Variants in VAMP7 observed in about 807,000 individuals in gnomAD.
VAMP7 encodes the protein vesicle associated membrane protein 7.
Under a neutral mutation model 29.6 loss-of-function variants are expected in VAMP7, and 14 were observed. The ratio of observed to expected loss-of-function variants is 0.47; its 90% CI spans 0.31 to 0.74. The LOEUF (loss-of-function observed/expected upper bound fraction) is 0.74. Ranked by LOEUF, VAMP7 falls within the 30% of genes least tolerant of loss-of-function variation. The pLI is 0.05. For missense variants in VAMP7, 223 were observed against 262.4 expected, an observed-to-expected ratio of 0.85 and a Z score of 1.04; for synonymous variants, 95 against 88.1, an observed-to-expected ratio of 1.08 and a Z score of -0.44.
At chrX:155,898,390 T>A in intron 4 of VAMP7, 141 bp downstream of exon 4, 6 of 1,050,356 alleles carry the variant, frequency 5.7e-6, no homozygotes, top group East Asian at 2.9e-5. Flanking sequence ...CTTCCCTGAT[T>A]AAAAAAAAAA....
At chrX:155,931,991 C>T (rs1186037272) in intron 6 of VAMP7, among the ~76,000 whole-genome samples, 4 of 152,096 alleles carry the variant, frequency 2.6e-5, no homozygotes, top group Non-Finnish European at 5.9e-5. Context: ...TTCTTTTTGT[C>T]AGGTTTGTCA....
intron 5 of VAMP7, among the ~76,000 whole-genome samples, chrX:155,914,111 C>T (rs1227358000): frequency 6.6e-6 from 1 of 151,226 alleles, no homozygotes; most frequent in Non-Finnish European, 1.5e-5. Flanking sequence ...GTATTTTATT[C>T]TCTTTGTAGC....
intron 6 of VAMP7, among the ~76,000 whole-genome samples, chrX:155,938,252 C>T (rs774200511): frequency 1.3e-5 from 2 of 152,242 alleles, no homozygotes; most frequent in South Asian, 2.1e-4. Flanking sequence ...CTAGTCAATG[C>T]ATATATTCTA....
chrX:155,917,290 A>T (rs2066327619), intron 5 of VAMP7, among the ~76,000 whole-genome samples: 1 of 152,120 alleles, frequency 6.6e-6, no homozygotes, highest in African/African-American at 2.4e-5. Flanking sequence ...GTTTCCTTGC[A>T]TGGGGTTAGA....
At chrX:155,928,659 T>A (rs1426467478) in intron 6 of VAMP7, among the ~76,000 whole-genome samples, 1 of 152,210 alleles carries the variant, frequency 6.6e-6, no homozygotes, top group East Asian at 1.9e-4. Context: ...CTCAAGATTC[T>A]TGACATAATC....
At chrX:155,940,538 A>C (rs772409253) in intron 7 of VAMP7, among the ~76,000 whole-genome samples, 1 of 152,278 alleles carries the variant, frequency 6.6e-6, no homozygotes, top group East Asian at 1.9e-4. Flanking sequence ...TCCTGAGCTT[A>C]GCTTCTTACT....
chrX:155,903,092 T>C (rs2066091596), intron 5 of VAMP7, among the ~76,000 whole-genome samples: 1 of 152,090 alleles, frequency 6.6e-6, no homozygotes, highest in Non-Finnish European at 1.5e-5. Context: ...CCTGGTTTAG[T>C]CTTGGGAGGG....
chrX:155,893,504 G>A (rs2065949705), intron 2 of VAMP7, among the ~76,000 whole-genome samples: 1 of 152,190 alleles, frequency 6.6e-6, no homozygotes, highest in South Asian at 2.1e-4. Context: ...TGCTTGGGCT[G>A]CTATAACAAA....
intron 6 of VAMP7, among the ~76,000 whole-genome samples, chrX:155,920,453 T>C (rs1455211698): frequency 6.6e-6 from 1 of 152,116 alleles, no homozygotes; most frequent in East Asian, 1.9e-4. Flanking sequence ...ATGACAGATA[T>C]ATGGTGAACA....
intron 5 of VAMP7, among the ~76,000 whole-genome samples, chrX:155,900,907 C>G (rs2066052277): frequency 1.3e-5 from 2 of 152,052 alleles, no homozygotes; most frequent in African/African-American, 2.4e-5. Flanking sequence ...CACGGGTTAC[C>G]TAACCTTGCC....
intron 5 of VAMP7, among the ~76,000 whole-genome samples, chrX:155,910,263 A>G (rs1441085378): frequency 6.6e-6 from 1 of 152,160 alleles, no homozygotes; most frequent in Non-Finnish European, 1.5e-5. Context: ...AGTTACATCC[A>G]TGTTGCTGTA....
At chrX:155,906,302 C>T (rs1166653156) in intron 5 of VAMP7, among the ~76,000 whole-genome samples, 1 of 152,040 alleles carries the variant, frequency 6.6e-6, no homozygotes, top group African/African-American at 2.4e-5. Context: ...TCCTGTTAGG[C>T]CAGTTTAGAG....
chrX:155,922,240 G>C (rs1180823812), intron 6 of VAMP7, among the ~76,000 whole-genome samples: 1 of 151,572 alleles, frequency 6.6e-6, no homozygotes, highest in Admixed American at 6.6e-5. Flanking sequence ...CCTTATTCTG[G>C]CTAGAACCTT....
intron 5 of VAMP7, among the ~76,000 whole-genome samples, chrX:155,903,670 C>A (rs936843279): frequency 3.9e-5 from 6 of 152,112 alleles, no homozygotes; most frequent in Non-Finnish European, 7.4e-5. Flanking sequence ...CATCTCACAC[C>A]AGTTAGAATG....
At chrX:155,900,699 G>A (rs1442283745) in intron 5 of VAMP7, 112 bp downstream of exon 5, 9 of 873,476 alleles carry the variant, frequency 1.0e-5, no homozygotes, top group Non-Finnish European at 1.6e-5. Flanking sequence ...TCTTACCATT[G>A]GAAGTTAATT....
In VAMP7 at chrX:155,931,835, T is replaced by C. The variant is rs537849311; in HGVS notation, c.502-7866T>C. On this transcript the variant is annotated intron_variant, in intron 6 of 7. Coordinates refer to ENST00000286448, the MANE Select transcript of VAMP7 (RefSeq NM_005638.6). ...AGGTTTTCTTCTAGGGTTTTTATGGTTTTAGGTCTAACATTTAAGTCTTTA... is the reference window on the plus strand; with the variant it reads ...AGGTTTTCTTCTAGGGTTTTTATGGCTTTAGGTCTAACATTTAAGTCTTTA... 2.7e-3 allele frequency among the ~76,000 whole-genome samples: 412 copies of C among 152,264 alleles called. 20 individuals are homozygous for C. The South Asian group carries it at 0.084, about 31-fold the overall frequency.
intron 5 of VAMP7, among the ~76,000 whole-genome samples, chrX:155,904,643 A>G (rs1017597773): frequency 1.4e-4 from 22 of 152,010 alleles, no homozygotes; most frequent in Admixed American, 1.4e-3. Context: ...TTCTTCATAA[A>G]TTTGCCTATT....
At chrX:155,930,915 G>C (rs953378432) in intron 6 of VAMP7, among the ~76,000 whole-genome samples, 1 of 151,882 alleles carries the variant, frequency 6.6e-6, no homozygotes, top group Non-Finnish European at 1.5e-5. Flanking sequence ...CTGTGTCCAG[G>C]TGTTCTCATT....
chrX:155,929,841 A>T (rs2066522500), intron 6 of VAMP7, among the ~76,000 whole-genome samples: 1 of 152,152 alleles, frequency 6.6e-6, no homozygotes, highest in African/African-American at 2.4e-5. Context: ...AGTTTACTCA[A>T]GTCCACCCTC....
Sources: allele counts gnomAD v4.1 joint callset (sites outside exome capture counted in the v4.1 genomes callset), GRCh38; gene constraint gnomAD v4.1.1; transcripts MANE v1.5; gene names NCBI Gene and HGNC (gene_info 2026-07-23, HGNC 2026-07-21).